Variants in UGT1A3 observed in about 807,000 individuals in gnomAD.
The protein encoded by UGT1A3 is UDP-glucuronosyltransferase 1A3.
Under a neutral mutation model 41.0 loss-of-function variants are expected in UGT1A3, and 31 were observed. That is an observed-to-expected ratio of 0.76 (90% CI 0.57 to 1.02). UGT1A3 has a LOEUF of 1.02. UGT1A3 is among the 50% of genes least tolerant of loss of function. The pLI, the probability that UGT1A3 is intolerant of heterozygous loss-of-function variation, is 0.00. For synonymous variants in UGT1A3, 262 were observed against 257.6 expected (o/e 1.02, Z -0.17); for missense variants, 737 against 671.0 (o/e 1.10, Z -1.09).
chr2:233,768,242 TATCACCC>T lies in UGT1A3; in HGVS notation c.1113_1119del (p.Ile371MetfsTer18), dbSNP rs1699593680. On this transcript the variant is annotated frameshift_variant, in exon 4 of 5. Transcript: ENST00000482026. LOFTEE classifies it high-confidence loss of function. ...CAGGTCACCCGATGACCCGTGCCTT[TATCACCC>T]ATGCTGGTTCCCATGGTGTTTATGA... 2 of 1,614,112 alleles carry T rather than the reference TATCACCC, an allele frequency of 1.2e-6. No individual in the cohort carries two copies. The highest frequency in any genetic ancestry group is 1.7e-5 in the Admixed American group (1 of 60,004).
Position 233,772,828 on chromosome 2 carries a change from C to T in UGT1A3, c.*269C>T, listed in dbSNP as rs762669023. The stretch of plus-strand genomic sequence containing the variant: ...TTCAGAGGACGTGCAGACAGGCTGG[C>T]ATTCTAGATTACTTTTCTTACTCTG... On this transcript the variant is annotated 3_prime_UTR_variant, in exon 5 of 5. Coordinates refer to ENST00000482026, the MANE Select transcript of UGT1A3 (RefSeq NM_019093.4). 7.5e-5 allele frequency: 69 copies of T among 921,010 alleles called. No individual in the cohort carries two copies. The highest frequency in any genetic ancestry group is 9.8e-5 in the Non-Finnish European group (65 of 663,798). 57.1% of individuals were successfully genotyped at this position (921,010 alleles called of 1,614,324 possible).
At chr2:233,751,878 G>C (rs139907629) in intron 1 of UGT1A3, among the ~76,000 whole-genome samples, 11 of 152,224 alleles carry the variant, frequency 7.2e-5, no homozygotes, top group African/African-American at 2.4e-4. Flanking sequence ...CCCCGTCTTG[G>C]GTATGTCTTT....
intron 1 of UGT1A3, among the ~76,000 whole-genome samples, chr2:233,758,094 G>A (rs1428723700): frequency 6.6e-6 from 1 of 152,162 alleles, no homozygotes; most frequent in Non-Finnish European, 1.5e-5. Flanking sequence ...CATAGTGACT[G>A]CCATCCAGTA....
At chr2:233,738,407 A>T (rs568263428) in intron 1 of UGT1A3, among the ~76,000 whole-genome samples, 3 of 152,352 alleles carry the variant, frequency 2.0e-5, no homozygotes, top group African/African-American at 7.2e-5. Context: ...GAACTGGGTA[A>T]CAGGCAGAGG....
chr2:233,747,098 T>C (rs1559391803), intron 1 of UGT1A3: 2 of 1,324,344 alleles, frequency 1.5e-6, no homozygotes, highest in Non-Finnish European at 2.1e-6. Flanking sequence ...CACTCTATCT[T>C]CCAATTACAT....
rs1259357082 is a variant in UGT1A3, at chr2:233,729,939, C to A, written c.813C>A (p.Pro271=). ...TGGACTACCCCAGGCCAATCATGCC[C>A]AACATGGTCTTCATTGGGGGCATCA... is the stretch of plus-strand genomic sequence containing the variant. ...FVMDYPRPIM[P]NMVFIGGINC... Residue 271 remains proline (P), a synonymous_variant, in exon 1 of 5, where the codon CCC becomes CCA. Coordinates refer to ENST00000482026, the MANE Select transcript of UGT1A3 (RefSeq NM_019093.4). 3 of 1,614,034 alleles carry A rather than the reference C, an allele frequency of 1.9e-6. No homozygotes were observed. Among genetic ancestry groups the A allele is most frequent in the Admixed American group, 3.3e-5 (2 of 60,014 alleles).
intron 1 of UGT1A3, among the ~76,000 whole-genome samples, chr2:233,732,279 A>C (rs2078256222): frequency 6.6e-6 from 1 of 152,052 alleles, no homozygotes; most frequent in East Asian, 1.9e-4. Context: ...TGCTGTGGAG[A>C]AGCTCTTTAG....
chr2:233,752,524 A>T (rs1231920163), intron 1 of UGT1A3: 1 of 152,204 alleles, frequency 6.6e-6, no homozygotes, highest in African/African-American at 2.4e-5. Context: ...TCAATTCTAA[A>T]AATTCTTTAA....
At chr2:233,757,303 G>A (rs1346705101) in intron 1 of UGT1A3, among the ~76,000 whole-genome samples, 3 of 111,204 alleles carry the variant, frequency 2.7e-5, no homozygotes, top group African/African-American at 6.7e-5. Flanking sequence ...GGGGTTGGGG[G>A]ACAGGGGGGC....
chr2:233,761,574 C>T (rs1697805225), intron 1 of UGT1A3, among the ~76,000 whole-genome samples: 1 of 152,176 alleles, frequency 6.6e-6, no homozygotes, highest in Admixed American at 6.5e-5. Flanking sequence ...TGAAAGTTGC[C>T]TTTGTGACCC....
At position 233,729,148 on chromosome 2, in the gene UGT1A3, C is replaced by T. The variant is rs1366354347; in HGVS notation, c.22C>T (p.Pro8Ser). 5 of 1,613,474 alleles carry T rather than the reference C, an allele frequency of 3.1e-6. No homozygotes were observed. The highest frequency in any genetic ancestry group is 4.2e-6 in the Non-Finnish European group (5 of 1,179,914). ...TGAGATGGCCACAGGACTCCAGGTTCCCCTGCCGTGGCTGGCCACAGGACT... is the reference window on the plus strand; with the variant it reads ...TGAGATGGCCACAGGACTCCAGGTTTCCCTGCCGTGGCTGGCCACAGGACT... MATGLQV[P>S]LPWLATGLLL... Residue 8 changes from proline to serine, a missense_variant, in exon 1 of 5, where the codon CCC (proline) becomes TCC (serine). Transcript: ENST00000482026.
intron 1 of UGT1A3, chr2:233,742,758 T>C (rs1302155264): frequency 1.3e-5 from 2 of 153,094 alleles, no homozygotes. Flanking sequence ...AATATTAAGA[T>C]AATAAATGCA....
At chr2:233,737,433 A>G (rs1419343847) in intron 1 of UGT1A3, among the ~76,000 whole-genome samples, 1 of 152,146 alleles carries the variant, frequency 6.6e-6, no homozygotes, top group Non-Finnish European at 1.5e-5. Context: ...TTTGGGTGGG[A>G]GTGTCCCGTT....
chr2:233,747,593 T>A (rs1693725336), intron 1 of UGT1A3: 2 of 1,577,004 alleles, frequency 1.3e-6, no homozygotes, highest in Non-Finnish European at 1.7e-6. Flanking sequence ...TTCATAGGTC[T>A]TGTGTGGAGC....
At chr2:233,752,938 T>C (rs1691143472) in intron 1 of UGT1A3, among the ~76,000 whole-genome samples, 1 of 152,262 alleles carries the variant, frequency 6.6e-6, no homozygotes, top group African/African-American at 2.4e-5. Context: ...CACTCTTTGC[T>C]GACCACTGAA....
chr2:233,741,310 C>A (rs184999730), intron 1 of UGT1A3, among the ~76,000 whole-genome samples: 1 of 151,634 alleles, frequency 6.6e-6, no homozygotes, highest in Admixed American at 6.5e-5. Flanking sequence ...AGATACACAC[C>A]AACTCATTCT....
At chr2:233,765,550 G>T (rs1420630288) in intron 1 of UGT1A3, among the ~76,000 whole-genome samples, 1 of 152,098 alleles carries the variant, frequency 6.6e-6, no homozygotes, top group Non-Finnish European at 1.5e-5. Flanking sequence ...AGTGGGAGTT[G>T]AACAGTGAGA....
intron 1 of UGT1A3, chr2:233,755,162 G>T (rs1267717516): frequency 7.8e-7 from 1 of 1,279,938 alleles, no homozygotes; most frequent in Non-Finnish European, 1.1e-6. Context: ...CCCTGTCCTC[G>T]GGGTTTTTGT....
Position 233,767,697 on chromosome 2 carries a change from C to A in UGT1A3, c.1000-152C>A, listed in dbSNP as rs558537555. Reference sequence around the variant, plus strand: ...CTCCAAAACAAGATGCCGGAAGTTGCCAGTCCTCAGAAGCCTTCACAGTTA... The same window carrying A: ...CTCCAAAACAAGATGCCGGAAGTTGACAGTCCTCAGAAGCCTTCACAGTTA... On this transcript the variant is annotated intron_variant, in intron 2 of 4. Coordinates refer to ENST00000482026, the MANE Select transcript of UGT1A3 (RefSeq NM_019093.4). 77 of 1,498,202 alleles carry A rather than the reference C, an allele frequency of 5.1e-5. 3 individuals carry two copies. The South Asian group carries it at 9.5e-4, about 18-fold the overall frequency. 92.8% of individuals were successfully genotyped at this position (1,498,202 alleles called of 1,614,324 possible). A position where few individuals can be genotyped will look rare whatever the true frequency, so the allele number is the denominator to read the frequency against.
Sources: allele counts gnomAD v4.1 joint callset (sites outside exome capture counted in the v4.1 genomes callset), GRCh38; gene constraint gnomAD v4.1.1; transcripts MANE v1.5; gene names NCBI Gene and HGNC (gene_info 2026-07-23, HGNC 2026-07-21).